The following FAM114A2 variants were observed in gnomAD, a reference collection of about 807,000 sequenced individuals.
The protein encoded by FAM114A2 is protein FAM114A2.
In FAM114A2, 53 loss-of-function variants were observed where a neutral mutation model predicts 58.4. That is an observed-to-expected ratio of 0.91 (90% CI 0.73 to 1.14). FAM114A2 has a LOEUF of 1.14. FAM114A2 is among the 50% of genes most tolerant of loss of function. The pLI, the probability that FAM114A2 is intolerant of heterozygous loss-of-function variation, is 0.00. For missense variants in FAM114A2, 601 were observed against 581.1 expected, an observed-to-expected ratio of 1.03 and a Z score of -0.35; for synonymous variants, 228 against 211.4, an observed-to-expected ratio of 1.08 and a Z score of -0.68.
chr5:154,026,793 T>C lies in FAM114A2; in HGVS notation c.790-271A>G, dbSNP rs114417929. Among the ~76,000 whole-genome samples, 1,197 of 150,906 alleles carry C rather than the reference T, an allele frequency of 7.9e-3. 20 individuals carry two copies. The highest frequency in any genetic ancestry group is 0.028 in the African/African-American group (1,135 of 41,038). On this transcript the variant is annotated intron_variant, in intron 7 of 13. Coordinates refer to ENST00000351797, the MANE Select transcript of FAM114A2 (RefSeq NM_018691.4). Reference sequence around the variant, plus strand: ...TAGAAATAACAAAAAAATTAGATAATCTTAAATCAATTAAAAGCTAACAGG... The same window carrying C: ...TAGAAATAACAAAAAAATTAGATAACCTTAAATCAATTAAAAGCTAACAGG...
chr5:154,008,268 T>C (rs910009721), intron 9 of FAM114A2, among the ~76,000 whole-genome samples: 3 of 151,456 alleles, frequency 2.0e-5, no homozygotes, highest in Non-Finnish European at 4.4e-5. Flanking sequence ...GGAAGGGGAG[T>C]GGGATGGAGA....
intron 1 of FAM114A2, chr5:154,038,466 G>A (rs558654007): frequency 2.4e-4 from 37 of 152,312 alleles, no homozygotes; most frequent in African/African-American, 8.4e-4. Context: ...ATATGTGAGG[G>A]GCTTGGAACA....
rs994128902 is a variant in FAM114A2 at position 153,992,193 on chromosome 5, C to A, written c.*783G>T. On this transcript the variant is annotated 3_prime_UTR_variant, in exon 14 of 14. Coordinates refer to ENST00000351797, the MANE Select transcript of FAM114A2 (RefSeq NM_018691.4). ...ATTTATCCTGCATATATGGTAGACACGAAACACATCCTGAAGAGACTCAGA... is the reference window on the plus strand; with the variant it reads ...ATTTATCCTGCATATATGGTAGACAAGAAACACATCCTGAAGAGACTCAGA... 1 of 152,094 alleles carries A rather than the reference C, an allele frequency of 6.6e-6. No homozygotes were observed. The highest frequency in any genetic ancestry group is 2.4e-5 in the African/African-American group (1 of 41,408). The allele number at this position is 152,094 out of a possible 1,614,324, so 9.4% of individuals were successfully genotyped here.
intron 12 of FAM114A2, among the ~76,000 whole-genome samples, chr5:153,996,714 G>A (rs1561539077): frequency 6.6e-6 from 1 of 151,482 alleles, no homozygotes; most frequent in Non-Finnish European, 1.5e-5. Flanking sequence ...TTCAACATTG[G>A]CGCTGGGCAC....
rs188628112 is a variant in FAM114A2 at position 154,019,503 on chromosome 5, G to A, written c.913+6896C>T. On this transcript the variant is annotated intron_variant, in intron 8 of 13. Transcript: ENST00000351797. The stretch of plus-strand genomic sequence containing the variant: ...ACACTATCCCCATCAAAATACCACC[G>A]CCATTATTCATTGAACTAGAAAAAA... 1.4e-3 allele frequency among the ~76,000 whole-genome samples: 218 copies of A among 152,008 alleles called. 1 individual carries two copies. Among genetic ancestry groups the A allele is most frequent in the African/African-American group, 4.8e-3 (201 of 41,468 alleles).
At chr5:154,026,251 A>T (rs1771763269) in intron 8 of FAM114A2, 148 bp downstream of exon 8, 1 of 534,432 alleles carries the variant, frequency 1.9e-6, no homozygotes, top group South Asian at 4.4e-5. Flanking sequence ...GCTGCAGAGA[A>T]TTTTACACAG....
At chr5:154,034,410 A>G (rs769316845) in intron 2 of FAM114A2, 33 bp from the exon 3 acceptor site, 30 of 1,365,364 alleles carry the variant, frequency 2.2e-5, no homozygotes, top group Non-Finnish European at 3.0e-5. Context: ...AACAAAAGGC[A>G]AAGAAAAATG....
At chr5:154,018,136 T>C (rs1173676281) in intron 8 of FAM114A2, among the ~76,000 whole-genome samples, 1 of 152,104 alleles carries the variant, frequency 6.6e-6, no homozygotes, top group African/African-American at 2.4e-5. Flanking sequence ...GTTGATTCTT[T>C]GAAAAGATAA....
At chr5:154,037,722 T>G (rs1217902597) in intron 1 of FAM114A2, among the ~76,000 whole-genome samples, 2 of 152,294 alleles carry the variant, frequency 1.3e-5, no homozygotes, top group Admixed American at 1.3e-4. Flanking sequence ...CTCCAAAATA[T>G]ATTTTTAAAG....
intron 8 of FAM114A2, among the ~76,000 whole-genome samples, chr5:154,024,448 T>C (rs984887552): frequency 6.6e-6 from 1 of 152,156 alleles, no homozygotes. Flanking sequence ...AACAGTGCCA[T>C]CAGGGTTGAA....
At chr5:153,998,783 C>T (rs1055115607) in intron 11 of FAM114A2, among the ~76,000 whole-genome samples, 7 of 152,068 alleles carry the variant, frequency 4.6e-5, no homozygotes, top group African/African-American at 1.4e-4. Flanking sequence ...TTGTAAATTA[C>T]CCAGCCTCAG....
At chr5:154,034,001 C>A in intron 3 of FAM114A2, 118 bp from the exon 4 acceptor site, 1 of 696,644 alleles carries the variant, frequency 1.4e-6, no homozygotes, top group Non-Finnish European at 2.5e-6. Flanking sequence ...TTTGACAATA[C>A]ATAACTAATC....
In FAM114A2 at chr5:153,990,700, A is replaced by G. The variant is rs1769218185; in HGVS notation, c.*2276T>C. The G allele has an allele frequency of 6.6e-6, 1 of 152,190 alleles. No individual in the cohort carries two copies. The highest frequency in any genetic ancestry group is 6.5e-5 in the Admixed American group (1 of 15,286). The allele number at this position is 152,190 out of a possible 1,614,324, so 9.4% of individuals were successfully genotyped here. ...GAAAAGACACATTTACCCTAGCAAT[A>G]CCTGAACATTTCACTTATTAAGGTT... On this transcript the variant is annotated 3_prime_UTR_variant, in exon 14 of 14. Coordinates refer to ENST00000351797, the MANE Select transcript of FAM114A2 (RefSeq NM_018691.4).
chr5:154,038,135 T>C (rs763933858), intron 1 of FAM114A2, among the ~76,000 whole-genome samples: 1 of 152,160 alleles, frequency 6.6e-6, no homozygotes, highest in African/African-American at 2.4e-5. Context: ...GTAGAAATAA[T>C]TGTAGTTTCT....
At chr5:154,037,049 C>A (rs1772609652) in intron 1 of FAM114A2, 1 of 152,196 alleles carries the variant, frequency 6.6e-6, no homozygotes, top group Non-Finnish European at 1.5e-5. Context: ...ACCTGATTAA[C>A]CTCTGTAGGC....
chr5:154,002,145 G>C, intron 11 of FAM114A2, 106 bp downstream of exon 11: 1 of 982,864 alleles, frequency 1.0e-6, no homozygotes, highest in South Asian at 1.4e-5. Context: ...ATGTGGATGG[G>C]TGTGACGTGA....
At chr5:154,035,108 GT>G (rs1379573274) in intron 1 of FAM114A2, 141 bp from the exon 2 acceptor site, 2 of 583,316 alleles carry the variant, frequency 3.4e-6, no homozygotes, top group African/African-American at 3.7e-5. Flanking sequence ...CCTTCATCCA[GT>G]TTCCCCCAAT....
chr5:153,993,620 T>C lies in FAM114A2; in HGVS notation c.1384-510A>G, dbSNP rs527626259. On this transcript the variant is annotated intron_variant, in intron 13 of 13. Coordinates refer to ENST00000351797, the MANE Select transcript of FAM114A2 (RefSeq NM_018691.4). ...TTCAAAGATGACAGTATAGATATAT[T>C]TCTATCTTGAACAACATTTTTCAGA... 3.9e-5 allele frequency among the ~76,000 whole-genome samples: 6 copies of C among 152,276 alleles called. No homozygotes were observed. In the South Asian group the frequency reaches 1.2e-3, roughly 32 times the overall value.
chr5:153,993,567 CAT>C (rs912597813), intron 13 of FAM114A2, among the ~76,000 whole-genome samples: 1 of 152,144 alleles, frequency 6.6e-6, no homozygotes. Context: ...TGCTCACACA[CAT>C]AAACATCTTT....
Sources: gnomAD v4.1 joint callset for allele counts (sites outside exome capture counted in the v4.1 genomes callset) on GRCh38, gnomAD v4.1.1 for gene constraint, MANE v1.5 for transcripts, NCBI Gene and HGNC (gene_info 2026-07-23, HGNC 2026-07-21) for gene names.